Variants in PIEZO2 observed in about 807,000 individuals in gnomAD.
The protein encoded by PIEZO2 is piezo type mechanosensitive ion channel component 2.
PIEZO2 carries 172 observed loss-of-function variants against 337.3 expected under a neutral mutation model. The ratio of observed to expected loss-of-function variants is 0.51; its 90% confidence interval spans 0.45 to 0.58. The LOEUF (loss-of-function observed/expected upper bound fraction) is 0.58. PIEZO2 is among the 20% of genes least tolerant of loss of function. PIEZO2 has a pLI of 0.00. For missense variants in PIEZO2, 3,028 were observed against 3,391.3 expected (o/e 0.89, Z 2.66); for synonymous variants, 1,251 against 1,228.5 (o/e 1.02, Z -0.38).
chr18:11,136,234 G>C (rs1473759930), intron 1 of PIEZO2, among the ~76,000 whole-genome samples: 1 of 152,216 alleles, frequency 6.6e-6, no homozygotes, highest in African/African-American at 2.4e-5. Flanking sequence ...GTGGCTCTAA[G>C]GTGATGCAAT....
Position 10,723,657 on chromosome 18 carries a change from C to T in PIEZO2, c.5030-5398G>A, listed in dbSNP as rs369510491. On this transcript the variant is annotated intron_variant, in intron 36 of 55. Coordinates refer to ENST00000674853, the MANE Select transcript of PIEZO2 (RefSeq NM_001378183.1). ...GAGTTGCTGACCAGACAAGGGAGCTCGGCAGCTGGAGCCTCTCCAGGCAGT... is the reference window on the plus strand; with the variant it reads ...GAGTTGCTGACCAGACAAGGGAGCTTGGCAGCTGGAGCCTCTCCAGGCAGT... 1.4e-4 allele frequency among the ~76,000 whole-genome samples: 21 copies of T among 152,068 alleles called. No homozygotes were observed. In the East Asian group the frequency reaches 3.3e-3, roughly 24 times the overall value.
chr18:10,815,120 C>T lies in PIEZO2; in HGVS notation c.918-7846G>A, dbSNP rs1352985853. Among the ~76,000 whole-genome samples the T allele has an allele frequency of 5.9e-5, 9 of 152,108 alleles. No homozygotes were observed. The East Asian group carries it at 1.7e-3, about 29-fold the overall frequency. On this transcript the variant is annotated intron_variant, in intron 7 of 55. Coordinates refer to ENST00000674853, the MANE Select transcript of PIEZO2 (RefSeq NM_001378183.1). This position sits in a 1 kb window ranked among gnomAD's most constrained non-coding sequence, Gnocchi z 4.1. ...TCTTCCATCCCCTACCGACCCTTTCCCCACTCTAATGGCATAAATCTAATG... is the reference window on the plus strand; with the variant it reads ...TCTTCCATCCCCTACCGACCCTTTCTCCACTCTAATGGCATAAATCTAATG...
chr18:10,854,586 T>C lies in PIEZO2; in HGVS notation c.917+767A>G, dbSNP rs551368621. 1.1e-4 allele frequency among the ~76,000 whole-genome samples: 17 copies of C among 152,366 alleles called. No individual in the cohort carries two copies. In the South Asian group the frequency reaches 2.7e-3, roughly 24 times the overall value. ...AAAGTCAAAGTAAATGCTAGATTCT[T>C]TACCTTTAATTCTCATTTTCATAGT... On this transcript the variant is annotated intron_variant, in intron 7 of 55. Transcript: ENST00000674853. This position sits in a 1 kb window ranked among gnomAD's most constrained non-coding sequence, Gnocchi z 4.6.
At chr18:10,752,536 G>A in intron 28 of PIEZO2, 100 bp downstream of exon 28, 2 of 1,346,840 alleles carry the variant, frequency 1.5e-6, no homozygotes, top group Admixed American at 4.8e-5. Flanking sequence ...GGGCTTTTAA[G>A]AGAGCAACAT....
chr18:10,721,051 CA>C (rs1196952301), intron 36 of PIEZO2, among the ~76,000 whole-genome samples: 2 of 152,180 alleles, frequency 1.3e-5, no homozygotes, highest in Non-Finnish European at 2.9e-5. Flanking sequence ...TGGAACTTTG[CA>C]GTTTTGATAT....
chr18:10,964,281 G>A (rs547243355), intron 3 of PIEZO2, among the ~76,000 whole-genome samples: 1 of 152,192 alleles, frequency 6.6e-6, no homozygotes, highest in African/African-American at 2.4e-5. Context: ...TCAATTCTGA[G>A]TGTATAGCAC....
chr18:10,890,029 C>G (rs1484601860), intron 4 of PIEZO2, among the ~76,000 whole-genome samples: 1 of 152,214 alleles, frequency 6.6e-6, no homozygotes, highest in Non-Finnish European at 1.5e-5. Flanking sequence ...GAGATAAATT[C>G]TTTATCCCAT....
At position 10,838,318 on chromosome 18, in the gene PIEZO2, C is replaced by A. The variant is rs150443769; in HGVS notation, c.917+17035G>T. Among the ~76,000 whole-genome samples the A allele has an allele frequency of 7.7e-3, 1,165 of 152,254 alleles. 5 individuals are homozygous for A. The highest frequency in any genetic ancestry group is 0.011 in the Non-Finnish European group (757 of 68,020). ...TCTTACTTATGCTTTAAACATGTTT[C>A]CATGCCAAACCCATAGATATTTTAT... On this transcript the variant is annotated intron_variant, in intron 7 of 55. Transcript: ENST00000674853.
rs992666314 is a variant in PIEZO2, at chr18:11,104,488, G to C, written c.65-38266C>G. 2.0e-5 allele frequency among the ~76,000 whole-genome samples: 3 copies of C among 152,166 alleles called. No individual in the cohort carries two copies. Among genetic ancestry groups the C allele is most frequent in the Admixed American group, 6.5e-5 (1 of 15,280 alleles). On this transcript the variant is annotated intron_variant, in intron 1 of 55. Coordinates refer to ENST00000674853, the MANE Select transcript of PIEZO2 (RefSeq NM_001378183.1). This position sits in a 1 kb window ranked among gnomAD's most constrained non-coding sequence, Gnocchi z 4.6. ...GAACGCAGCTGCCCTTCTCTCTAGG[G>C]GTGGGGCAGGGACGGCCTCCTGGGC...
rs1311738377 is a variant in PIEZO2 at position 10,824,392 on chromosome 18, GT to G, written c.918-17119del. 6.6e-6 allele frequency among the ~76,000 whole-genome samples: 1 copy of G among 152,104 alleles called. No individual in the cohort carries two copies. The highest frequency in any genetic ancestry group is 2.4e-5 in the African/African-American group (1 of 41,428). ...TTTTCAAAACTTCTTTAGGTTTTAT[GT>G]TTTATTTAGATACAGACAAGTTATT... is the stretch of plus-strand genomic sequence containing the variant. On this transcript the variant is annotated intron_variant, in intron 7 of 55. Transcript: ENST00000674853. The surrounding 1 kb of genome is among the most constrained non-coding windows in gnomAD (Gnocchi z 4.4).
At chr18:10,893,103 A>T (rs911344424) in intron 4 of PIEZO2, among the ~76,000 whole-genome samples, 3 of 152,240 alleles carry the variant, frequency 2.0e-5, no homozygotes, top group African/African-American at 7.2e-5. Flanking sequence ...CCCTTTGCTT[A>T]AAATTCTGGG....
chr18:10,762,386 C>T, intron 23 of PIEZO2, 114 bp downstream of exon 23: 1 of 1,309,466 alleles, frequency 7.6e-7, no homozygotes, highest in Non-Finnish European at 1.0e-6. Context: ...TGCCAAATCC[C>T]ACATGAGAAG....
chr18:10,949,967 C>A (rs998714481), intron 3 of PIEZO2, among the ~76,000 whole-genome samples: 1 of 152,132 alleles, frequency 6.6e-6, no homozygotes, highest in African/African-American at 2.4e-5. Context: ...CCAAAAAACA[C>A]TGGGTGAATA....
At chr18:10,955,758 G>T (rs1267143503) in intron 3 of PIEZO2, among the ~76,000 whole-genome samples, 1 of 152,072 alleles carries the variant, frequency 6.6e-6, no homozygotes, top group South Asian at 2.1e-4. Context: ...ATTTTGGATT[G>T]ATGTTTTCTT....
intron 28 of PIEZO2, among the ~76,000 whole-genome samples, chr18:10,752,113 T>C (rs7234612): frequency 0.013 from 2,039 of 152,296 alleles, 44 homozygotes; most frequent in African/African-American, 0.047. Context: ...TCTACCCACA[T>C]CTTCTGAGTA....
intron 5 of PIEZO2, 41 bp downstream of exon 5, chr18:10,871,212 C>G: frequency 6.6e-7 from 1 of 1,515,644 alleles, no homozygotes; most frequent in Non-Finnish European, 8.8e-7. Context: ...GGTCAAGGTC[C>G]TCAGAAATCA....
rs1238946655 is a variant in PIEZO2 at position 11,128,077 on chromosome 18, AC to A, written c.64+20447del. ...TAAATGCATTTGACACTCCTGATTC[AC>A]CACTCATGACAGGCAAGGAGTTTAG... On this transcript the variant is annotated intron_variant, in intron 1 of 55. Coordinates refer to ENST00000674853, the MANE Select transcript of PIEZO2 (RefSeq NM_001378183.1). This position sits in a 1 kb window ranked among gnomAD's most constrained non-coding sequence, Gnocchi z 4.1. Among the ~76,000 whole-genome samples, 1 of 152,092 alleles carries A rather than the reference AC, an allele frequency of 6.6e-6. No individual in the cohort carries two copies. The highest frequency in any genetic ancestry group is 2.4e-5 in the African/African-American group (1 of 41,418).
intron 39 of PIEZO2, among the ~76,000 whole-genome samples, chr18:10,709,967 C>T (rs1289287743): frequency 7.2e-5 from 11 of 152,232 alleles, no homozygotes; most frequent in African/African-American, 9.6e-5. Context: ...AAGCATTGGA[C>T]GAACACAGTG....
In PIEZO2 at chr18:11,096,859, G is replaced by A. The variant is rs761132221; in HGVS notation, c.65-30637C>T. Among the ~76,000 whole-genome samples the A allele has an allele frequency of 1.3e-5, 2 of 152,126 alleles. No homozygotes were observed. Among genetic ancestry groups the A allele is most frequent in the Admixed American group, 6.5e-5 (1 of 15,274 alleles). On this transcript the variant is annotated intron_variant, in intron 1 of 55. Transcript: ENST00000674853. This position sits in a 1 kb window ranked among gnomAD's most constrained non-coding sequence, Gnocchi z 4.6. ...ATGGGAACAACATGGACTTCAGGGG[G>A]GTGGTACCACAGTGGCAGAGAATCA... is the stretch of plus-strand genomic sequence containing the variant.
Sources: gnomAD v4.1 joint callset for allele counts (sites outside exome capture counted in the v4.1 genomes callset) on GRCh38, gnomAD v4.1.1 for gene constraint, Gnocchi (gnomAD v3.1) non-coding constraint, MANE v1.5 for transcripts, NCBI Gene and HGNC (gene_info 2026-07-23, HGNC 2026-07-21) for gene names.